The following TCF25 variants were observed in gnomAD, a reference collection of about 807,000 sequenced individuals.
TCF25 encodes ribosome quality control complex subunit TCF25.
A neutral mutation model predicts 83.1 loss-of-function variants in TCF25; 41 were observed. The observed-to-expected ratio is 0.49, with a 90% CI of 0.38 to 0.64. The LOEUF is 0.64. Ranked by LOEUF, TCF25 falls within the 30% of genes least tolerant of loss-of-function variation. The pLI, the probability that TCF25 is intolerant of heterozygous loss-of-function variation, is 0.00. For synonymous variants in TCF25, 458 were observed against 365.0 expected, an observed-to-expected ratio of 1.25 and a Z score of -2.90; for missense variants, 979 against 914.5, an observed-to-expected ratio of 1.07 and a Z score of -0.91.
chr16:89,875,904 TG>T (rs1172853452), intron 1 of TCF25, among the ~76,000 whole-genome samples: 2 of 146,184 alleles, frequency 1.4e-5, no homozygotes, highest in African/African-American at 2.5e-5. Context: ...CTTGAACTCC[TG>T]GGTTCAGGTT....
At chr16:89,884,708 C>A in intron 3 of TCF25, 52 bp downstream of exon 3, 1 of 1,569,576 alleles carries the variant, frequency 6.4e-7, no homozygotes. Context: ...ACGCCCCTCT[C>A]CCTCTGCCTG....
intron 12 of TCF25, 24 bp downstream of exon 12, chr16:89,900,818 T>C (rs1481399098): frequency 1.3e-6 from 2 of 1,553,520 alleles, no homozygotes; most frequent in Non-Finnish European, 1.8e-6. Context: ...GTGTCTCGCC[T>C]GGGGTAGGGG....
intron 1 of TCF25, among the ~76,000 whole-genome samples, chr16:89,879,990 G>A (rs931796096): frequency 4.6e-5 from 7 of 150,632 alleles, no homozygotes; most frequent in Non-Finnish European, 8.9e-5. Flanking sequence ...ACTATCACGC[G>A]TGCTGTCCAT....
chr16:89,887,840 C>G, intron 5 of TCF25, 123 bp downstream of exon 5: 1 of 848,572 alleles, frequency 1.2e-6, no homozygotes, highest in Non-Finnish European at 1.7e-6. Flanking sequence ...AGAGTGCACA[C>G]GTAACCCTTA....
chr16:89,911,306 C>T lies in TCF25; in HGVS notation c.*68C>T, dbSNP rs2045536332. 3 of 1,588,472 alleles carry T rather than the reference C, an allele frequency of 1.9e-6. No individual in the cohort carries two copies. The highest frequency in any genetic ancestry group is 1.7e-6 in the Non-Finnish European group (2 of 1,163,744). ...GATTTCTCTGTTGGTCGGAGTCGGC[C>T]AGTTGCCTGAAGTAGGGAAGCTGAG... On this transcript the variant is annotated 3_prime_UTR_variant, in exon 18 of 18. Coordinates refer to ENST00000263346, the MANE Select transcript of TCF25 (RefSeq NM_014972.3).
At chr16:89,878,129 A>G (rs1342054685) in intron 1 of TCF25, among the ~76,000 whole-genome samples, 1 of 151,882 alleles carries the variant, frequency 6.6e-6, no homozygotes, top group East Asian at 1.9e-4. Context: ...AATACAAAAA[A>G]ACTGTCCAAG....
At chr16:89,906,960 G>A (rs190553457) in intron 15 of TCF25, among the ~76,000 whole-genome samples, 16 of 152,196 alleles carry the variant, frequency 1.1e-4, no homozygotes, top group East Asian at 3.9e-4. Context: ...AGGCTTGAGC[G>A]GCACGTGACC....
intron 16 of TCF25, 120 bp from the exon 17 acceptor site, chr16:89,910,471 C>A (rs958306030): frequency 1.0e-6 from 1 of 964,890 alleles, no homozygotes; most frequent in Non-Finnish European, 1.6e-6. Context: ...CTGCTCTGCC[C>A]CCTGGCGGCC....
rs72813440 is a variant in TCF25, at chr16:89,911,245, G to A, written c.*7G>A. 151 of 1,611,902 alleles carry A rather than the reference G, an allele frequency of 9.4e-5. No homozygotes were observed. The highest frequency in any genetic ancestry group is 9.2e-4 in the African/African-American group (69 of 75,018). ...GGAGGGGGAGTGGGACTGAGCGTCCGCAGAGGTGACCGAAAAGCCGTATGA... is the reference window on the plus strand; with the variant it reads ...GGAGGGGGAGTGGGACTGAGCGTCCACAGAGGTGACCGAAAAGCCGTATGA... On this transcript the variant is annotated 3_prime_UTR_variant, in exon 18 of 18. Transcript: ENST00000263346.
chr16:89,898,760 C>G lies in TCF25; in HGVS notation c.1116-7C>G. 6.2e-7 allele frequency: 1 copy of G among 1,613,842 alleles called. No homozygotes were observed. The highest frequency in any genetic ancestry group is 8.5e-7 in the Non-Finnish European group (1 of 1,180,042). ...CTTTGCTCTGCTCTCTGTGCTGCCT[C>G]CGGAAGTCTCGAGCCGGATGAGGAC... On this transcript the variant is annotated splice_polypyrimidine_tract_variant and splice_region_variant and intron_variant, in intron 10 of 17. Transcript: ENST00000263346.
intron 11 of TCF25, among the ~76,000 whole-genome samples, chr16:89,899,280 G>T (rs1268977495): frequency 6.6e-6 from 1 of 152,214 alleles, no homozygotes; most frequent in African/African-American, 2.4e-5. Context: ...CAGCACGTCT[G>T]TCCTGTTCCA....
chr16:89,888,455 C>A (rs1268471964), intron 5 of TCF25, among the ~76,000 whole-genome samples: 1 of 150,114 alleles, frequency 6.7e-6, no homozygotes, highest in Non-Finnish European at 1.5e-5. Context: ...CAGGCATGGT[C>A]GTGCATGCCT....
chr16:89,888,226 A>G (rs2043160476), intron 5 of TCF25, among the ~76,000 whole-genome samples: 1 of 151,940 alleles, frequency 6.6e-6, no homozygotes, highest in African/African-American at 2.4e-5. Context: ...AGATCACACC[A>G]CTGCACTCCA....
chr16:89,885,969 G>A lies in TCF25; in HGVS notation c.548+3G>A, dbSNP rs2042974478. 2.1e-6 allele frequency: 3 copies of A among 1,444,594 alleles called. No homozygotes were observed. The highest frequency in any genetic ancestry group is 2.6e-5 in the South Asian group (2 of 78,128). The allele number at this position is 1,444,594 out of a possible 1,614,324, so 89.5% of individuals were successfully genotyped here. On this transcript the variant is annotated splice_donor_region_variant and intron_variant, in intron 4 of 17. Coordinates refer to ENST00000263346, the MANE Select transcript of TCF25 (RefSeq NM_014972.3). ...CACGTTCTCTACGTGGAGCACAGGTGTGGCCCCCGCCCTTCTCTGCGGCTG... is the reference window on the plus strand; with the variant it reads ...CACGTTCTCTACGTGGAGCACAGGTATGGCCCCCGCCCTTCTCTGCGGCTG...
chr16:89,909,277 C>A, intron 16 of TCF25: 1 of 620,860 alleles, frequency 1.6e-6, no homozygotes, highest in Non-Finnish European at 2.4e-6. Flanking sequence ...TTTGAGAGGC[C>A]AAGGTGGGCA....
At chr16:89,906,370 T>G in intron 15 of TCF25, 86 bp downstream of exon 15, 2 of 1,343,744 alleles carry the variant, frequency 1.5e-6, no homozygotes, top group South Asian at 2.5e-5. Context: ...CATGCAGGCG[T>G]GCGTGGTGCG....
intron 1 of TCF25, among the ~76,000 whole-genome samples, 175 bp from the exon 2 acceptor site, chr16:89,883,176 G>A (rs1450746839): frequency 6.6e-6 from 1 of 152,194 alleles, no homozygotes; most frequent in African/African-American, 2.4e-5. Flanking sequence ...CTGAGCCAGA[G>A]CTGAGTCACT....
intron 14 of TCF25, among the ~76,000 whole-genome samples, 166 bp downstream of exon 14, chr16:89,905,262 G>A (rs1306317691): frequency 6.6e-6 from 1 of 152,212 alleles, no homozygotes; most frequent in African/African-American, 2.4e-5. Context: ...CCCCTGGCGT[G>A]TCCCAGAGGC....
At chr16:89,895,791 C>G (rs909448603) in intron 8 of TCF25, among the ~76,000 whole-genome samples, 199 bp from the exon 9 acceptor site, 2 of 152,242 alleles carry the variant, frequency 1.3e-5, no homozygotes, top group Admixed American at 6.5e-5. Flanking sequence ...GTTACCATGT[C>G]AAGCTCACAA....
Sources: allele counts gnomAD v4.1 joint callset (sites outside exome capture counted in the v4.1 genomes callset), GRCh38; gene constraint gnomAD v4.1.1; transcripts MANE v1.5; gene names NCBI Gene and HGNC (gene_info 2026-07-23, HGNC 2026-07-21).